Variants in TSPAN19 observed in about 807,000 individuals in gnomAD.
TSPAN19 encodes the protein tetraspanin 19, also known as tetraspanin-19.
TSPAN19 carries 44 observed loss-of-function variants against 35.1 expected under a neutral mutation model. The observed-to-expected ratio is 1.25, with a 90% CI of 0.98 to 1.61. The LOEUF (loss-of-function observed/expected upper bound fraction) is 1.61, where lower values mean the gene tolerates loss of function less well. Among genes scored for constraint, TSPAN19 ranks in the 40% most tolerant of loss-of-function variants. The probability of loss-of-function intolerance (pLI) is 0.00; values close to 1 mark genes in which losing one functional copy is unlikely to be tolerated. For synonymous variants in TSPAN19, 79 were observed against 92.0 expected, an observed-to-expected ratio of 0.86 and a Z score of 0.81; for missense variants, 290 against 280.0, an observed-to-expected ratio of 1.04 and a Z score of -0.26.
intron 3 of TSPAN19, among the ~76,000 whole-genome samples, chr12:85,029,107 T>A (rs934472576): frequency 6.6e-6 from 1 of 152,114 alleles, no homozygotes; most frequent in African/African-American, 2.4e-5. Context: ...TGTTTTTCAG[T>A]CTTCTTCACT....
intron 1 of TSPAN19, among the ~76,000 whole-genome samples, chr12:85,031,931 G>T (rs566268529): frequency 6.6e-6 from 1 of 151,948 alleles, no homozygotes; most frequent in Non-Finnish European, 1.5e-5. Context: ...CCACTGGTCA[G>T]AAAAGGCCAA....
intron 4 of TSPAN19, among the ~76,000 whole-genome samples, chr12:85,026,311 C>T (rs981836731): frequency 6.6e-6 from 1 of 151,944 alleles, no homozygotes; most frequent in African/African-American, 2.4e-5. Context: ...ATCTGAAGCT[C>T]AGTGAGAAAA....
In TSPAN19 at chr12:85,034,384, C is replaced by T. The variant is rs150762274; in HGVS notation, c.-28+1820G>A. On this transcript the variant is annotated intron_variant, in intron 1 of 8. Coordinates refer to ENST00000532498, the MANE Select transcript of TSPAN19 (RefSeq NM_001100917.2). ...ATTTTCAAAGGAATATTAGTCTTGT[C>T]AGATAACAAAGAACAAACAGTTATC... Among the ~76,000 whole-genome samples, 8 of 152,204 alleles carry T rather than the reference C, an allele frequency of 5.3e-5. No homozygotes were observed. In the East Asian group the frequency reaches 1.5e-3, roughly 29 times the overall value.
rs1018901592 is a variant in TSPAN19 at position 85,015,838 on chromosome 12, T to C, written c.678+50A>G. The C allele has an allele frequency of 3.0e-6, 4 of 1,352,886 alleles. No homozygotes were observed. In the Admixed American group the frequency reaches 8.5e-5, roughly 29 times the overall value. The allele number at this position is 1,352,886 out of a possible 1,614,324, so 83.8% of individuals were successfully genotyped here. A position where few individuals can be genotyped will look rare whatever the true frequency, so the allele number is the denominator to read the frequency against. ...CCTGATTGCTCTGCAGTCTATTCTG[T>C]ATAGCTTATACTTAATATTTTTCAT... On this transcript the variant is annotated intron_variant, in intron 8 of 8. Coordinates refer to ENST00000532498, the MANE Select transcript of TSPAN19 (RefSeq NM_001100917.2).
At chr12:85,023,302 T>C in intron 5 of TSPAN19, 24 bp downstream of exon 5, 6 of 1,547,902 alleles carry the variant, frequency 3.9e-6, no homozygotes, top group Non-Finnish European at 5.3e-6. Flanking sequence ...ACAGGATGTA[T>C]TGAAAAGGAT....
intron 3 of TSPAN19, among the ~76,000 whole-genome samples, 182 bp from the exon 4 acceptor site, chr12:85,028,205 C>A (rs1272371974): frequency 6.6e-6 from 1 of 152,118 alleles, no homozygotes; most frequent in African/African-American, 2.4e-5. Context: ...CCAGCTCTTA[C>A]TTTTAGAAAC....
intron 4 of TSPAN19, among the ~76,000 whole-genome samples, chr12:85,025,366 C>T (rs1254831527): frequency 6.6e-6 from 1 of 152,078 alleles, no homozygotes; most frequent in Non-Finnish European, 1.5e-5. Context: ...CAACTACTGG[C>T]TGGTCTCAGG....
chr12:85,027,402 T>C (rs960147515), intron 4 of TSPAN19, among the ~76,000 whole-genome samples: 31 of 152,114 alleles, frequency 2.0e-4, no homozygotes, highest in African/African-American at 2.4e-5. Flanking sequence ...AATATACCCA[T>C]GTAACAAACT....
At chr12:85,035,866 A>T (rs886896999) in intron 1 of TSPAN19, among the ~76,000 whole-genome samples, 2 of 152,048 alleles carry the variant, frequency 1.3e-5, no homozygotes, top group Non-Finnish European at 2.9e-5. Context: ...TCTCACCCAC[A>T]TCCCTTCAGT....
intron 2 of TSPAN19, 43 bp from the exon 3 acceptor site, chr12:85,029,834 T>C (rs551523777): frequency 9.2e-6 from 14 of 1,520,502 alleles, no homozygotes; most frequent in African/African-American, 4.2e-5. Flanking sequence ...TAATTGCCTA[T>C]ACAATAGATT....
intron 1 of TSPAN19, among the ~76,000 whole-genome samples, chr12:85,035,671 G>C (rs201495988): frequency 4.3e-5 from 4 of 93,696 alleles, no homozygotes; most frequent in African/African-American, 1.1e-4. Flanking sequence ...GAAAATTAAA[G>C]TAAAAAATAT....
chr12:85,032,086 C>A (rs1015077244), intron 1 of TSPAN19, among the ~76,000 whole-genome samples: 1 of 151,976 alleles, frequency 6.6e-6, no homozygotes, highest in Non-Finnish European at 1.5e-5. Flanking sequence ...TTTAAAAATT[C>A]AGGAAAATGG....
intron 3 of TSPAN19, among the ~76,000 whole-genome samples, chr12:85,029,126 G>A (rs1384811722): frequency 6.6e-6 from 1 of 152,036 alleles, no homozygotes; most frequent in African/African-American, 2.4e-5. Context: ...CTGAAATAAA[G>A]CTCCATGTGG....
rs1253647141 is a variant in TSPAN19, at chr12:85,029,777, T to C, written c.81A>G (p.Leu27=). The change falls in exon 3 of 9, where the codon TTA becomes TTG. Residue 27 remains leucine (L), a synonymous_variant. Coordinates refer to ENST00000532498, the MANE Select transcript of TSPAN19 (RefSeq NM_001100917.2). ...AGAGCCATGCACCAAATCCCATGAATAAAAGTCCAAGAACCTAAAAAAAGA... is the reference window on the plus strand; with the variant it reads ...AGAGCCATGCACCAAATCCCATGAACAAAAGTCCAAGAACCTAAAAAAAGA... ...INGAFLVLGL[L]FMGFGAWLLL... 17 of 1,544,630 alleles carry C rather than the reference T, an allele frequency of 1.1e-5. No individual in the cohort carries two copies. Among genetic ancestry groups the C allele is most frequent in the Non-Finnish European group, 1.5e-5 (17 of 1,145,382 alleles).
At chr12:85,023,266 A>G (rs1018556674) in intron 5 of TSPAN19, 60 bp downstream of exon 5, 78 of 1,381,504 alleles carry the variant, frequency 5.6e-5, no homozygotes, top group Non-Finnish European at 5.4e-5. Context: ...ACTCTAAGGT[A>G]TCCAATTTCC....
At chr12:85,033,303 AG>A (rs374422917) in intron 1 of TSPAN19, among the ~76,000 whole-genome samples, 46 of 152,244 alleles carry the variant, frequency 3.0e-4, no homozygotes, top group African/African-American at 1.1e-3. Flanking sequence ...AAGCTAAAGA[AG>A]TAGACTCAGT....
intron 1 of TSPAN19, among the ~76,000 whole-genome samples, chr12:85,031,812 G>A (rs555977630): frequency 6.6e-6 from 1 of 152,130 alleles, no homozygotes; most frequent in South Asian, 2.1e-4. Context: ...TCCATTTAGA[G>A]TCCACCAGCA....
chr12:85,019,534 C>G, intron 6 of TSPAN19, 92 bp downstream of exon 6: 2 of 719,586 alleles, frequency 2.8e-6, no homozygotes, highest in Non-Finnish European at 4.7e-6. Context: ...AAACTTTCAT[C>G]CATCTGCCCC....
At chr12:85,017,713 T>G (rs899333450) in intron 6 of TSPAN19, 114 bp from the exon 7 acceptor site, 1 of 728,922 alleles carries the variant, frequency 1.4e-6, no homozygotes, top group East Asian at 2.9e-5. Context: ...TTTTTCCCCA[T>G]GAACATGTAA....
Sources: allele counts gnomAD v4.1 joint callset (sites outside exome capture counted in the v4.1 genomes callset), GRCh38; gene constraint gnomAD v4.1.1; transcripts MANE v1.5; gene names NCBI Gene and HGNC (gene_info 2026-07-23, HGNC 2026-07-21).